The following RANBP2 variants were observed in gnomAD, a reference collection of about 807,000 sequenced individuals.
The protein encoded by RANBP2 is RAN binding protein 2.
In RANBP2, 57 loss-of-function variants were observed where a neutral mutation model predicts 303.6. The observed-to-expected ratio is 0.19, with a 90% CI of 0.15 to 0.23. The LOEUF (loss-of-function observed/expected upper bound fraction) is 0.23, where lower values mean the gene tolerates loss of function less well. RANBP2 is among the 10% of genes least tolerant of loss of function. RANBP2 has a pLI of 1.00. For missense variants in RANBP2, 3,138 were observed against 3,780.8 expected, an observed-to-expected ratio of 0.83 and a Z score of 4.46; for synonymous variants, 1,167 against 1,301.5, an observed-to-expected ratio of 0.90 and a Z score of 2.23.
the RANBP2 span, among the ~76,000 whole-genome samples, chr2:108,985,865 T>C: frequency 6.6e-6 from 1 of 152,184 alleles, no homozygotes; most frequent in African/African-American, 2.4e-5. Flanking sequence ...AAGGAGCCCA[T>C]TCATTCATTC....
the RANBP2 span, among the ~76,000 whole-genome samples, chr2:109,334,178 A>G: frequency 6.6e-6 from 1 of 152,108 alleles, no homozygotes; most frequent in Non-Finnish European, 1.5e-5. Context: ...TAACATGGTG[A>G]GACCCCGTCC....
the RANBP2 span, among the ~76,000 whole-genome samples, chr2:109,083,850 T>A: frequency 3.9e-5 from 6 of 152,284 alleles, no homozygotes; most frequent in South Asian, 1.2e-3. Context: ...TCCAAAACAT[T>A]TTTCAATTTC....
the RANBP2 span, among the ~76,000 whole-genome samples, chr2:109,467,426 C>T: frequency 1.3e-5 from 2 of 152,186 alleles, 1 homozygote; most frequent in South Asian, 4.1e-4. Flanking sequence ...TTGGAAAATG[C>T]ACACCCATGT....
At chr2:109,614,828 G>T in the RANBP2 span, 1 of 1,432,454 alleles carries the variant, frequency 7.0e-7, no homozygotes, top group South Asian at 1.4e-5. Flanking sequence ...CCGGGCCCGA[G>T]GCGCGCGATC....
the RANBP2 span, chr2:109,127,525 T>C: frequency 2.6e-5 from 4 of 152,254 alleles, no homozygotes; most frequent in East Asian, 1.9e-4. Flanking sequence ...GAATATCACT[T>C]TCCTCATTTG....
chr2:109,291,264 A>T, the RANBP2 span, among the ~76,000 whole-genome samples: 1 of 151,424 alleles, frequency 6.6e-6, no homozygotes, highest in African/African-American at 2.4e-5. Flanking sequence ...TGGGAGAAAA[A>T]GAAACAGAGT....
chr2:109,285,052 G>A, the RANBP2 span, among the ~76,000 whole-genome samples: 2 of 152,216 alleles, frequency 1.3e-5, no homozygotes, highest in Non-Finnish European at 2.9e-5. Context: ...CTCCATGGCC[G>A]GCCACACAGC....
the RANBP2 span, among the ~76,000 whole-genome samples, chr2:109,384,915 C>T: frequency 6.6e-6 from 1 of 152,214 alleles, no homozygotes; most frequent in South Asian, 2.1e-4. Context: ...GAACCAGGAA[C>T]CATTTACTTC....
At chr2:109,398,284 G>A in the RANBP2 span, among the ~76,000 whole-genome samples, 5 of 152,156 alleles carry the variant, frequency 3.3e-5, no homozygotes, top group African/African-American at 7.2e-5. Context: ...AGGCGGCACC[G>A]TGCATCCCAG....
At chr2:108,844,159 T>C in the RANBP2 span, among the ~76,000 whole-genome samples, 1 of 151,890 alleles carries the variant, frequency 6.6e-6, no homozygotes, top group Non-Finnish European at 1.5e-5. Flanking sequence ...CCGCCCCCAG[T>C]TTCTTCAAGT....
At chr2:109,265,117 A>AATAGG in the RANBP2 span, among the ~76,000 whole-genome samples, 1 of 152,088 alleles carries the variant, frequency 6.6e-6, no homozygotes, top group African/African-American at 2.4e-5. Context: ...GGCGTTGCGA[A>AATAGG]ATAGGATGGT....
chr2:109,398,856 T>C, the RANBP2 span: 3 of 1,613,850 alleles, frequency 1.9e-6, no homozygotes, highest in African/African-American at 2.7e-5. Flanking sequence ...TGGAAATTAG[T>C]GCTCCAGTGT....
intron 7 of RANBP2, among the ~76,000 whole-genome samples, chr2:108,745,311 A>G (rs1404321502): frequency 1.4e-5 from 2 of 145,758 alleles, no homozygotes; most frequent in African/African-American, 5.1e-5. Flanking sequence ...GATAGAATTA[A>G]AAGCCGATGC....
At chr2:108,819,679 A>T in the RANBP2 span, among the ~76,000 whole-genome samples, 1 of 152,220 alleles carries the variant, frequency 6.6e-6, no homozygotes, top group Non-Finnish European at 1.5e-5. Flanking sequence ...AACTGGGCTG[A>T]TTCATGAATG....
chr2:109,547,175 T>G, the RANBP2 span, among the ~76,000 whole-genome samples: 163 of 152,330 alleles, frequency 1.1e-3, 1 homozygote, highest in African/African-American at 3.8e-3. Flanking sequence ...AGCCTTCATC[T>G]GCCAGCTATG....
At chr2:109,009,882 T>C in the RANBP2 span, among the ~76,000 whole-genome samples, 1 of 152,108 alleles carries the variant, frequency 6.6e-6, no homozygotes, top group Non-Finnish European at 1.5e-5. Flanking sequence ...CTGTTTGGTT[T>C]CATAATTGGG....
chr2:109,661,018 C>T, the RANBP2 span, among the ~76,000 whole-genome samples: 1 of 152,134 alleles, frequency 6.6e-6, no homozygotes, highest in Non-Finnish European at 1.5e-5. Flanking sequence ...GGCTTATCTG[C>T]TAAAACAGAT....
At chr2:108,790,959 A>C in the RANBP2 span, among the ~76,000 whole-genome samples, 1 of 152,014 alleles carries the variant, frequency 6.6e-6, no homozygotes, top group South Asian at 2.1e-4. Flanking sequence ...ACAGAGTCTC[A>C]CTGTGTTGTC....
chr2:109,233,878 A>G, the RANBP2 span, among the ~76,000 whole-genome samples: 1 of 152,248 alleles, frequency 6.6e-6, no homozygotes, highest in African/African-American at 2.4e-5. Flanking sequence ...TTTGTCTATC[A>G]GTAGGGTGTT....
Sources: gnomAD v4.1 joint callset for allele counts (sites outside exome capture counted in the v4.1 genomes callset) on GRCh38, gnomAD v4.1.1 for gene constraint, MANE v1.5 for transcripts, NCBI Gene and HGNC (gene_info 2026-07-23, HGNC 2026-07-21) for gene names.